The following ADH7 variants were observed in gnomAD, a reference collection of about 807,000 sequenced individuals.
ADH7 encodes the protein all-trans-retinol dehydrogenase [NAD(+)] ADH7.
Under a neutral mutation model 34.4 loss-of-function variants are expected in ADH7, and 41 were observed. The observed-to-expected ratio is 1.19, with a 90% CI of 0.93 to 1.55. The LOEUF is 1.55. ADH7 is among the 40% of genes most tolerant of loss of function. The pLI is 0.00. For missense variants in ADH7, 540 were observed against 461.2 expected (o/e 1.17, Z -1.56); for synonymous variants, 180 against 160.9 (o/e 1.12, Z -0.90).
intron 5 of ADH7, among the ~76,000 whole-genome samples, chr4:99,425,759 T>TC (rs1721787398): frequency 6.6e-6 from 1 of 152,064 alleles, no homozygotes; most frequent in Non-Finnish European, 1.5e-5. Context: ...GAATATACAT[T>TC]TTTTCAGCAC....
chr4:99,417,403 T>A (rs1374620246), intron 7 of ADH7, among the ~76,000 whole-genome samples: 2 of 152,160 alleles, frequency 1.3e-5, no homozygotes, highest in Admixed American at 6.5e-5. Flanking sequence ...GTCTCCTTCC[T>A]GGAATATTCT....
intron 1 of ADH7, chr4:99,432,737 A>G (rs1479486977): frequency 1.3e-5 from 2 of 152,246 alleles, no homozygotes; most frequent in East Asian, 3.8e-4. Context: ...AAAAACTGCA[A>G]CAGATTAATG....
intron 7 of ADH7, among the ~76,000 whole-genome samples, chr4:99,417,509 C>T (rs1463330074): frequency 1.3e-5 from 2 of 152,130 alleles, no homozygotes; most frequent in Non-Finnish European, 2.9e-5. Flanking sequence ...CATTCACCTC[C>T]ACCTCCACCC....
chr4:99,418,366 A>G (rs2110133638), intron 7 of ADH7, among the ~76,000 whole-genome samples: 1 of 152,218 alleles, frequency 6.6e-6, no homozygotes, highest in Non-Finnish European at 1.5e-5. Flanking sequence ...TAATATTGGG[A>G]GTACCTTCAA....
At chr4:99,428,445 A>G (rs1188412096) in intron 3 of ADH7, 47 bp downstream of exon 3, 1 of 1,588,130 alleles carries the variant, frequency 6.3e-7, no homozygotes, top group Non-Finnish European at 8.6e-7. Flanking sequence ...TGATAGGCTA[A>G]TCAAAGCCTA....
At position 99,412,601 on chromosome 4, in the gene ADH7, T is replaced by C. The variant is rs1482701136; in HGVS notation, c.*547A>G. 3.3e-5 allele frequency: 5 copies of C among 152,182 alleles called. No individual in the cohort carries two copies. Among genetic ancestry groups the C allele is most frequent in the Admixed American group, 3.3e-4 (5 of 15,272 alleles). The allele number at this position is 152,182 out of a possible 1,614,324, so 9.4% of individuals were successfully genotyped here. ...ATGATGATTCTTAATCGTTGAAAAATGTGCCCGTCCCTTAATCTTTTCTGT... is the reference window on the plus strand; with the variant it reads ...ATGATGATTCTTAATCGTTGAAAAACGTGCCCGTCCCTTAATCTTTTCTGT... On this transcript the variant is annotated 3_prime_UTR_variant, in exon 9 of 9. Coordinates refer to ENST00000437033, the MANE Select transcript of ADH7 (RefSeq NM_000673.7).
chr4:99,430,567 G>A (rs2110140741), intron 1 of ADH7, among the ~76,000 whole-genome samples: 1 of 152,282 alleles, frequency 6.6e-6, no homozygotes, highest in Non-Finnish European at 1.5e-5. Context: ...GTCCTAGAGA[G>A]CTCTTATGGA....
chr4:99,428,005 A>T lies in ADH7; in HGVS notation c.348-16T>A, dbSNP rs1330166657. 6.2e-7 allele frequency: 1 copy of T among 1,613,290 alleles called. No homozygotes were observed. The highest frequency in any genetic ancestry group is 8.5e-7 in the Non-Finnish European group (1 of 1,179,352). On this transcript the variant is annotated splice_polypyrimidine_tract_variant and intron_variant, in intron 4 of 8. Transcript: ENST00000437033. ...ACCAGTAATACTGTTTGATACATCA[A>T]ATACACGTATTAATTAATTCAATTC...
At chr4:99,420,108 G>A (rs1721613439) in intron 6 of ADH7, among the ~76,000 whole-genome samples, 1 of 152,140 alleles carries the variant, frequency 6.6e-6, no homozygotes. Flanking sequence ...TGAGAAGGTC[G>A]ATGGATCACA....
At chr4:99,432,117 C>T (rs1721949255) in intron 1 of ADH7, among the ~76,000 whole-genome samples, 1 of 152,062 alleles carries the variant, frequency 6.6e-6, no homozygotes, top group African/African-American at 2.4e-5. Flanking sequence ...ACATATTTGC[C>T]ACAGAATACT....
At chr4:99,421,869 A>C (rs777219163) in intron 5 of ADH7, among the ~76,000 whole-genome samples, 2 of 152,240 alleles carry the variant, frequency 1.3e-5, no homozygotes, top group Non-Finnish European at 2.9e-5. Flanking sequence ...TCTCAAAAGA[A>C]GACATTTATG....
intron 5 of ADH7, 93 bp downstream of exon 5, chr4:99,427,680 G>GTTTT (rs11480228): frequency 9.9e-6 from 8 of 804,596 alleles, no homozygotes; most frequent in Non-Finnish European, 1.0e-5. Context: ...TCTTTTAAAT[G>GTTTT]TTTTTTTTTT....
chr4:99,433,992 G>A (rs1721993776), intron 1 of ADH7, among the ~76,000 whole-genome samples: 2 of 152,092 alleles, frequency 1.3e-5, no homozygotes. Context: ...AGAAAGTTGG[G>A]AAATATATAA....
At chr4:99,426,823 C>A (rs890365032) in intron 5 of ADH7, among the ~76,000 whole-genome samples, 5 of 152,258 alleles carry the variant, frequency 3.3e-5, no homozygotes, top group African/African-American at 1.2e-4. Flanking sequence ...AAAATACTGG[C>A]AAACCGAATC....
intron 5 of ADH7, among the ~76,000 whole-genome samples, chr4:99,427,569 C>G (rs531263909): frequency 6.6e-6 from 1 of 152,082 alleles, no homozygotes; most frequent in Admixed American, 6.6e-5. Context: ...TAAATATTCT[C>G]AAGTGTAAAA....
intron 5 of ADH7, among the ~76,000 whole-genome samples, chr4:99,425,120 G>A (rs888469198): frequency 6.6e-6 from 1 of 151,876 alleles, no homozygotes; most frequent in African/African-American, 2.4e-5. Context: ...AAAATGTAAA[G>A]ACCATCGAGA....
At chr4:99,415,787 CA>C in intron 7 of ADH7, 171 bp from the exon 8 acceptor site, 1 of 596,270 alleles carries the variant, frequency 1.7e-6, no homozygotes, top group Non-Finnish European at 2.7e-6. Context: ...AAAAGTTATG[CA>C]GCCATAAAAA....
intron 6 of ADH7, 88 bp downstream of exon 6, chr4:99,420,445 C>T: frequency 7.4e-7 from 1 of 1,358,684 alleles, no homozygotes; most frequent in Non-Finnish European, 1.0e-6. Flanking sequence ...CCATTATTGA[C>T]TATTAATAAA....
intron 1 of ADH7, among the ~76,000 whole-genome samples, chr4:99,434,690 TA>T (rs1722008134): frequency 6.6e-6 from 1 of 152,204 alleles, no homozygotes; most frequent in African/African-American, 2.4e-5. Context: ...AAAGAATTTT[TA>T]AATATATATT....
Sources: allele counts gnomAD v4.1 joint callset (sites outside exome capture counted in the v4.1 genomes callset), GRCh38; gene constraint gnomAD v4.1.1; transcripts MANE v1.5; gene names NCBI Gene and HGNC (gene_info 2026-07-23, HGNC 2026-07-21).